Variants in CREBL2 observed in about 807,000 individuals in gnomAD.
The protein encoded by CREBL2 is cAMP-responsive element-binding protein-like 2.
In CREBL2, 4 loss-of-function variants were observed where a neutral mutation model predicts 19.5. That is an observed-to-expected ratio of 0.20 (90% CI 0.10 to 0.47). CREBL2 has a LOEUF of 0.47. Ranked by LOEUF, CREBL2 falls within the 20% of genes least tolerant of loss-of-function variation. The pLI, the probability that CREBL2 is intolerant of heterozygous loss-of-function variation, is 0.98. For missense variants in CREBL2, 85 were observed against 145.1 expected (o/e 0.59, Z 2.13); for synonymous variants, 42 against 46.6 (o/e 0.90, Z 0.40).
intron 1 of CREBL2, among the ~76,000 whole-genome samples, chr12:12,631,862 C>T (rs1258444606): frequency 2.0e-5 from 3 of 151,902 alleles, no homozygotes; most frequent in Non-Finnish European, 4.4e-5. Context: ...GTCTCATATA[C>T]ATTGTTATAG....
chr12:12,621,481 G>A (rs924754854), intron 1 of CREBL2, among the ~76,000 whole-genome samples: 86 of 142,870 alleles, frequency 6.0e-4, no homozygotes, highest in Admixed American at 5.0e-3. Context: ...TCACACCATT[G>A]CACTCCAGCC....
rs762448549 is a variant in CREBL2 at position 12,641,995 on chromosome 12, G to A, written c.360G>A (p.Trp120Ter). ...AGKTDANSNS[W>*] ...ACATTGGTAACTTTTATTTTTCAGG[G>A]TGAAGATTATATAAAGATGAGTCAG... The change falls in exon 4 of 4, where the codon TGG becomes TGA. Residue 120 changes from tryptophan (W) to a stop codon, truncating the protein, a stop_gained and splice_region_variant. Coordinates refer to ENST00000228865, the MANE Select transcript of CREBL2 (RefSeq NM_001310.4). LOFTEE classifies it high-confidence loss of function. The A allele has an allele frequency of 5.1e-6, 8 of 1,555,268 alleles. No individual in the cohort carries two copies. Among genetic ancestry groups the A allele is most frequent in the Non-Finnish European group, 7.1e-6 (8 of 1,132,638 alleles).
intron 3 of CREBL2, among the ~76,000 whole-genome samples, chr12:12,638,704 T>G (rs930768674): frequency 3.3e-5 from 5 of 152,160 alleles, no homozygotes; most frequent in African/African-American, 1.2e-4. Flanking sequence ...ATTTTATAGA[T>G]GAAAAAATAG....
rs1463819875 is a variant in CREBL2 at position 12,644,269 on chromosome 12, ACACTTTGGT to A, written c.*2278_*2286del. The A allele has an allele frequency of 2.0e-5, 3 of 152,184 alleles. No homozygotes were observed. Among genetic ancestry groups the A allele is most frequent in the Non-Finnish European group, 4.4e-5 (3 of 68,026 alleles). 9.4% of individuals were successfully genotyped at this position (152,184 alleles called of 1,614,324 possible). On this transcript the variant is annotated 3_prime_UTR_variant, in exon 4 of 4. Coordinates refer to ENST00000228865, the MANE Select transcript of CREBL2 (RefSeq NM_001310.4). ...TTGCCTCGGCTATTGTGCTGGCTGG[ACACTTTGGT>A]CACTTTTGAAGCATGTTAATAAATG...
rs1227828887 is a variant in CREBL2 at position 12,644,392 on chromosome 12, T to C, written c.*2394T>C. ...CCTGGCACCCCTCACCTTTTTGTGA[T>C]GACAAGATGGCTGACAGTCACGGAG... is the stretch of plus-strand genomic sequence containing the variant. On this transcript the variant is annotated 3_prime_UTR_variant, in exon 4 of 4. Transcript: ENST00000228865. The C allele has an allele frequency of 1.3e-5, 2 of 152,536 alleles. No homozygotes were observed. Among genetic ancestry groups the C allele is most frequent in the East Asian group, 3.9e-4 (2 of 5,190 alleles). The allele number at this position is 152,536 out of a possible 1,614,324, so 9.4% of individuals were successfully genotyped here.
chr12:12,638,463 T>A (rs1014605067), intron 3 of CREBL2, among the ~76,000 whole-genome samples: 4 of 152,182 alleles, frequency 2.6e-5, no homozygotes, highest in African/African-American at 7.2e-5. Context: ...AGAAATGGCT[T>A]AGATTCTAAA....
intron 1 of CREBL2, chr12:12,615,602 A>G (rs1408930615): frequency 6.6e-6 from 1 of 151,950 alleles, no homozygotes; most frequent in Non-Finnish European, 1.5e-5. Flanking sequence ...GGTTCAAGCA[A>G]TTCTCCTGTC....
chr12:12,635,191 C>T (rs1566113577), intron 1 of CREBL2, among the ~76,000 whole-genome samples: 1 of 151,760 alleles, frequency 6.6e-6, no homozygotes, highest in African/African-American at 2.4e-5. Context: ...GAAACCCCAT[C>T]TCTAAAAACA....
At chr12:12,640,608 G>A (rs1273203756) in intron 3 of CREBL2, among the ~76,000 whole-genome samples, 1 of 151,450 alleles carries the variant, frequency 6.6e-6, no homozygotes, top group African/African-American at 2.5e-5. Context: ...AGGATTAAGA[G>A]TAAAGTAAAG....
At chr12:12,637,477 A>T in intron 2 of CREBL2, 93 bp from the exon 3 acceptor site, 1 of 850,720 alleles carries the variant, frequency 1.2e-6, no homozygotes, top group Non-Finnish European at 1.5e-6. Flanking sequence ...TATGTCTAGG[A>T]TTTCTACCAG....
At position 12,611,994 on chromosome 12, in the gene CREBL2, T is replaced by C; in HGVS notation, c.-179T>C. 1 of 736,398 alleles carries C rather than the reference T, an allele frequency of 1.4e-6. No individual in the cohort carries two copies. The highest frequency in any genetic ancestry group is 1.7e-5 in the South Asian group (1 of 57,804). The allele number at this position is 736,398 out of a possible 1,614,324, so 45.6% of individuals were successfully genotyped here. A position where few individuals can be genotyped will look rare whatever the true frequency, so the allele number is the denominator to read the frequency against. On this transcript the variant is annotated 5_prime_UTR_variant, in exon 1 of 4. Transcript: ENST00000228865. The stretch of plus-strand genomic sequence containing the variant: ...CCGCCTCCAGGGTCCGCTCTGCCAT[T>C]CCTGAACTGGTCCCTCGTCCCCGTG...
intron 1 of CREBL2, among the ~76,000 whole-genome samples, chr12:12,631,201 GAA>G (rs1945439693): frequency 6.6e-6 from 1 of 152,180 alleles, no homozygotes; most frequent in African/African-American, 2.4e-5. Flanking sequence ...CCACCTTTGT[GAA>G]AGAAGCTCTC....
Position 12,637,648 on chromosome 12 carries a change from A to G in CREBL2, c.292A>G (p.Asn98Asp), listed in dbSNP as rs777890643. Residue 98 changes from asparagine (N) to aspartate (D), a missense_variant, in exon 3 of 4, where the codon AAC becomes GAC. Asn to Asp is a conservative substitution (Grantham distance 23). Coordinates refer to ENST00000228865, the MANE Select transcript of CREBL2 (RefSeq NM_001310.4). Reference protein sequence around the residue: ...IKALLTGEEQNKSQQNSSRHT... With the variant: ...IKALLTGEEQDKSQQNSSRHT... ...GGCCCTACTCACTGGAGAAGAGCAGAACAAATCTCAGCAGAACTCAAGCAG... is the reference window on the plus strand; with the variant it reads ...GGCCCTACTCACTGGAGAAGAGCAGGACAAATCTCAGCAGAACTCAAGCAG... The G allele has an allele frequency of 4.3e-6, 7 of 1,613,852 alleles. No homozygotes were observed. The South Asian group carries it at 6.6e-5, about 15-fold the overall frequency.
Position 12,637,654 on chromosome 12 carries a change from T to A in CREBL2, c.298T>A (p.Ser100Thr), listed in dbSNP as rs1186309856. The change falls in exon 3 of 4, where the codon TCT becomes ACT. Residue 100 changes from serine (S) to threonine (T), a missense_variant. Ser to Thr is a moderately conservative substitution (Grantham distance 58, BLOSUM62 1). Transcript: ENST00000228865. ...ALLTGEEQNK[S>T]QQNSSRHTKA... is the part of the protein sequence containing the mutation. Reference sequence around the variant, plus strand: ...ACTCACTGGAGAAGAGCAGAACAAATCTCAGCAGAACTCAAGCAGGCATAC... The same window carrying A: ...ACTCACTGGAGAAGAGCAGAACAAAACTCAGCAGAACTCAAGCAGGCATAC... 1 of 1,613,504 alleles carries A rather than the reference T, an allele frequency of 6.2e-7. No individual in the cohort carries two copies. The highest frequency in any genetic ancestry group is 2.2e-5 in the East Asian group (1 of 44,862).
At chr12:12,616,322 T>G (rs1945311294) in intron 1 of CREBL2, among the ~76,000 whole-genome samples, 1 of 152,208 alleles carries the variant, frequency 6.6e-6, no homozygotes, top group Non-Finnish European at 1.5e-5. Flanking sequence ...ATGTCATTGT[T>G]TAGCCTGAAA....
intron 3 of CREBL2, among the ~76,000 whole-genome samples, chr12:12,641,764 C>T (rs1321108504): frequency 6.6e-6 from 1 of 152,040 alleles, no homozygotes; most frequent in Non-Finnish European, 1.5e-5. Flanking sequence ...TAACCAAAAA[C>T]CACTTCTACC....
chr12:12,612,423 G>A (rs1327360447), intron 1 of CREBL2, among the ~76,000 whole-genome samples: 1 of 152,184 alleles, frequency 6.6e-6, no homozygotes, highest in Non-Finnish European at 1.5e-5. Flanking sequence ...GCGTTTGCTA[G>A]CTTTCCAGGT....
chr12:12,612,301 A>C, intron 1 of CREBL2, 114 bp downstream of exon 1: 1 of 1,570,366 alleles, frequency 6.4e-7, no homozygotes, highest in Admixed American at 1.7e-5. Context: ...TGCCTAAAAC[A>C]TCCCTGCGCC....
In CREBL2 at chr12:12,642,343, T is replaced by C. The variant is rs1945529188; in HGVS notation, c.*345T>C. 1 of 193,228 alleles carries C rather than the reference T, an allele frequency of 5.2e-6. No homozygotes were observed. Among genetic ancestry groups the C allele is most frequent in the African/African-American group, 2.3e-5 (1 of 43,220 alleles). 12.0% of individuals were successfully genotyped at this position (193,228 alleles called of 1,614,324 possible). On this transcript the variant is annotated 3_prime_UTR_variant, in exon 4 of 4. Transcript: ENST00000228865. ...TTGCTTTATTGGTTAATTTATATTCTTTCCATGTAATTCATGTAATTGTAT... is the reference window on the plus strand; with the variant it reads ...TTGCTTTATTGGTTAATTTATATTCCTTCCATGTAATTCATGTAATTGTAT...
Sources: gnomAD v4.1 joint callset for allele counts (sites outside exome capture counted in the v4.1 genomes callset) on GRCh38, gnomAD v4.1.1 for gene constraint, MANE v1.5 for transcripts, NCBI Gene and HGNC (gene_info 2026-07-23, HGNC 2026-07-21) for gene names.